Variants in IGSF5 observed in about 807,000 individuals in gnomAD.
The protein encoded by IGSF5 is immunoglobulin superfamily 5 like.
A neutral mutation model predicts 39.4 loss-of-function variants in IGSF5; 41 were observed. The ratio of observed to expected loss-of-function variants is 1.04; its 90% CI spans 0.81 to 1.35. The LOEUF (loss-of-function observed/expected upper bound fraction) is 1.35. IGSF5 is among the 40% of genes most tolerant of loss of function. IGSF5 has a pLI of 0.00. For synonymous variants in IGSF5, 183 were observed against 175.3 expected (o/e 1.04, Z -0.34); for missense variants, 487 against 494.6 (o/e 0.98, Z 0.15).
At chr21:39,756,400 T>G (rs577070049) in intron 2 of IGSF5, among the ~76,000 whole-genome samples, 1 of 152,218 alleles carries the variant, frequency 6.6e-6, no homozygotes, top group Non-Finnish European at 1.5e-5. Context: ...CTTGTATTTT[T>G]GCTTCTGGGT....
intron 2 of IGSF5, among the ~76,000 whole-genome samples, chr21:39,763,108 C>T (rs1352766762): frequency 6.6e-6 from 1 of 152,110 alleles, no homozygotes; most frequent in Non-Finnish European, 1.5e-5. Flanking sequence ...GAGAGAGGGA[C>T]GAGCTCCCGG....
intron 5 of IGSF5, among the ~76,000 whole-genome samples, chr21:39,787,552 G>GT (rs33925299): frequency 0.41 from 48,941 of 119,852 alleles, 10,839 homozygotes; most frequent in African/African-American, 0.51. Context: ...TAATGACAGT[G>GT]TTTTTTTTTT....
At chr21:39,792,814 C>A (rs1738519671) in intron 7 of IGSF5, among the ~76,000 whole-genome samples, 1 of 152,152 alleles carries the variant, frequency 6.6e-6, no homozygotes, top group African/African-American at 2.4e-5. Flanking sequence ...GAAGCAGCAG[C>A]AGTTGAGTAT....
At chr21:39,773,210 T>C (rs1206998791) in intron 4 of IGSF5, among the ~76,000 whole-genome samples, 1 of 152,184 alleles carries the variant, frequency 6.6e-6, no homozygotes, top group Non-Finnish European at 1.5e-5. Flanking sequence ...CTCCCACTTA[T>C]AAGTGAGAAC....
the IGSF5 span, among the ~76,000 whole-genome samples, chr21:39,725,052 G>A: frequency 3.6e-3 from 546 of 152,268 alleles, 4 homozygotes; most frequent in African/African-American, 0.013. Context: ...GACACACAAC[G>A]TTCAGTAAAA....
chr21:39,801,759 G>A lies in IGSF5; in HGVS notation c.*402G>A, dbSNP rs149345199. 1 of 156,470 alleles carries A rather than the reference G, an allele frequency of 6.4e-6. No individual in the cohort carries two copies. Among genetic ancestry groups the A allele is most frequent in the Non-Finnish European group, 1.4e-5 (1 of 70,438 alleles). The allele number at this position is 156,470 out of a possible 1,614,324, so 9.7% of individuals were successfully genotyped here. On this transcript the variant is annotated 3_prime_UTR_variant, in exon 9 of 9. Coordinates refer to ENST00000380588, the MANE Select transcript of IGSF5 (RefSeq NM_001080444.2). ...TATTTATGTATATTTAATATGTAGG[G>A]GTATTATTACATATTATCAGTGAAA...
At chr21:39,750,305 G>C (rs553574456) in intron 2 of IGSF5, among the ~76,000 whole-genome samples, 5 of 152,198 alleles carry the variant, frequency 3.3e-5, no homozygotes, top group Non-Finnish European at 5.9e-5. Context: ...AGAAATCCTT[G>C]ATTCTGAGTT....
In IGSF5 at chr21:39,771,114, C is replaced by T. The variant is rs1267579324; in HGVS notation, c.617C>T (p.Thr206Ile). 1.2e-6 allele frequency: 2 copies of T among 1,612,696 alleles called. No homozygotes were observed. Among genetic ancestry groups the T allele is most frequent in the Admixed American group, 1.7e-5 (1 of 59,830 alleles). The change falls in exon 4 of 9, where the codon ACC (threonine) becomes ATC (isoleucine). Residue 206 changes from threonine to isoleucine, a missense_variant. Coordinates refer to ENST00000380588, the MANE Select transcript of IGSF5 (RefSeq NM_001080444.2). Reference sequence around the variant, plus strand: ...AGTGCAGTGAGCATCCTGGCTCTGACCCCACAGAGCAATGGGACTTTGACT... The same window carrying T: ...AGTGCAGTGAGCATCCTGGCTCTGATCCCACAGAGCAATGGGACTTTGACT... The part of the protein sequence containing the change: ...LQSAVSILAL[T>I]PQSNGTLTCV...
chr21:39,738,087 A>G, the IGSF5 span, among the ~76,000 whole-genome samples: 1 of 151,992 alleles, frequency 6.6e-6, no homozygotes, highest in East Asian at 1.9e-4. This position sits in a 1 kb window ranked among gnomAD's most constrained non-coding sequence, Gnocchi z 6.4. Flanking sequence ...TCACACTTCT[A>G]CTCTCTTACA....
At chr21:39,799,502 A>T (rs1006051067) in intron 8 of IGSF5, among the ~76,000 whole-genome samples, 40 of 145,918 alleles carry the variant, frequency 2.7e-4, no homozygotes, top group Non-Finnish European at 5.5e-4. Context: ...GCTTTGAGGA[A>T]TTTTTTTTTT....
intron 5 of IGSF5, among the ~76,000 whole-genome samples, chr21:39,785,689 G>C (rs1225711550): frequency 6.6e-6 from 1 of 152,050 alleles, no homozygotes; most frequent in African/African-American, 2.4e-5. Context: ...CTACCCATGA[G>C]CATGGAATGT....
intron 8 of IGSF5, among the ~76,000 whole-genome samples, chr21:39,794,673 G>A (rs1383657723): frequency 6.6e-6 from 1 of 152,184 alleles, no homozygotes; most frequent in Non-Finnish European, 1.5e-5. Flanking sequence ...TCCCCAATAA[G>A]TGTAGATGTT....
At chr21:39,792,669 A>G (rs2086972341) in intron 7 of IGSF5, among the ~76,000 whole-genome samples, 1 of 152,126 alleles carries the variant, frequency 6.6e-6, no homozygotes, top group African/African-American at 2.4e-5. Context: ...CTTCCCCTTG[A>G]ATGTAACAGG....
chr21:39,718,061 T>C, the IGSF5 span, among the ~76,000 whole-genome samples: 3 of 151,164 alleles, frequency 2.0e-5, no homozygotes, highest in South Asian at 6.2e-4. Context: ...ATCTTTCACA[T>C]CCCTGGTTAG....
chr21:39,758,126 G>A (rs2837169), intron 2 of IGSF5, among the ~76,000 whole-genome samples: 124,036 of 152,096 alleles, frequency 0.82, 50,755 homozygotes, highest in Admixed American at 0.86. Context: ...GTCCTGGCAC[G>A]TAGGGATCGC....
At chr21:39,727,144 T>C in the IGSF5 span, among the ~76,000 whole-genome samples, 1 of 152,212 alleles carries the variant, frequency 6.6e-6, no homozygotes, top group Non-Finnish European at 1.5e-5. Context: ...GCTTTCCGTG[T>C]AACTCCTAGT....
In IGSF5 at chr21:39,765,827, T is replaced by C. The variant is rs1360180852; in HGVS notation, c.393T>C (p.His131=). The change falls in exon 3 of 9, where the codon CAT becomes CAC. Residue 131 remains histidine, a synonymous_variant. Coordinates refer to ENST00000380588, the MANE Select transcript of IGSF5 (RefSeq NM_001080444.2). ...GCAGCCTCCAGAACAGTCGCCTGCA[T>C]GGATCTGCTTACCTTACCGTCCAAG... The part of the protein sequence containing the change: ...IRCSLQNSRL[H]GSAYLTVQVM... The C allele has an allele frequency of 2.5e-6, 4 of 1,613,374 alleles. No individual in the cohort carries two copies. The highest frequency in any genetic ancestry group is 4.5e-5 in the East Asian group (2 of 44,808).
In IGSF5 at chr21:39,766,690, A is replaced by T. The variant is rs185994113; in HGVS notation, c.418+838A>T. Among the ~76,000 whole-genome samples, 32 of 152,348 alleles carry T rather than the reference A, an allele frequency of 2.1e-4. 1 individual carries two copies. The South Asian group carries it at 5.2e-3, about 25-fold the overall frequency. ...TGTTACACAGTAAAAAAGTAAAAGG[A>T]TGCTTTACAAAGATTTGGAATAGTC... On this transcript the variant is annotated intron_variant, in intron 3 of 8. Transcript: ENST00000380588.
In IGSF5 at chr21:39,745,422, G is replaced by A. The variant is rs2079968899; in HGVS notation, c.-88G>A. 4.3e-6 allele frequency: 3 copies of A among 691,946 alleles called. No homozygotes were observed. Among genetic ancestry groups the A allele is most frequent in the Admixed American group, 4.1e-5 (2 of 48,634 alleles). The allele number at this position is 691,946 out of a possible 1,614,324, so 42.9% of individuals were successfully genotyped here. A position where few individuals can be genotyped will look rare whatever the true frequency, so the allele number is the denominator to read the frequency against. On this transcript the variant is annotated 5_prime_UTR_variant, in exon 1 of 9. Transcript: ENST00000380588. Reference sequence around the variant, plus strand: ...GAAAGTCTGAACCATTAGTACCTAGGAGGCAGGGATCAGAGGAAGTAGATT... The same window carrying A: ...GAAAGTCTGAACCATTAGTACCTAGAAGGCAGGGATCAGAGGAAGTAGATT...
Sources: allele counts gnomAD v4.1 joint callset (sites outside exome capture counted in the v4.1 genomes callset), GRCh38; gene constraint gnomAD v4.1.1; non-coding constraint Gnocchi (gnomAD v3.1); transcripts MANE v1.5; gene names NCBI Gene and HGNC (gene_info 2026-07-23, HGNC 2026-07-21).